ALDH2: variants seen among roughly 807,000 people sequenced by gnomAD.
The protein encoded by ALDH2 is aldehyde dehydrogenase 2 family member.
ALDH2 carries 44 observed loss-of-function variants against 59.6 expected under a neutral mutation model. That is an observed-to-expected ratio of 0.74 (90% CI 0.58 to 0.95). ALDH2 has a LOEUF of 0.95. ALDH2 is among the 40% of genes least tolerant of loss of function. The pLI is 0.00. For missense variants in ALDH2, 570 were observed against 696.3 expected (o/e 0.82, Z 2.04); for synonymous variants, 291 against 284.0 (o/e 1.02, Z -0.25).
chr12:111,780,092 C>T (rs553060638), intron 1 of ALDH2, among the ~76,000 whole-genome samples: 22 of 152,176 alleles, frequency 1.4e-4, no homozygotes, highest in African/African-American at 4.8e-4. Context: ...GGGGTTTCAC[C>T]GTGTTGGCCA....
rs139514708 is a variant in ALDH2, at chr12:111,772,330, T to C, written c.114+5234T>C. Among the ~76,000 whole-genome samples, 3 of 152,228 alleles carry C rather than the reference T, an allele frequency of 2.0e-5. No homozygotes were observed. The East Asian group carries it at 5.8e-4, about 29-fold the overall frequency. On this transcript the variant is annotated intron_variant, in intron 1 of 12. Coordinates refer to ENST00000261733, the MANE Select transcript of ALDH2 (RefSeq NM_000690.4). The stretch of plus-strand genomic sequence containing the variant: ...GTGCTGACTGAATCTCCCTATTGAT[T>C]GTACAGGTTGATGACTTCTTTAGGA...
intron 2 of ALDH2, among the ~76,000 whole-genome samples, chr12:111,782,320 C>T (rs1453634959): frequency 1.3e-5 from 2 of 152,232 alleles, no homozygotes; most frequent in Non-Finnish European, 2.9e-5. Context: ...TTTGGGTCTC[C>T]TAAGATCTAG....
intron 6 of ALDH2, 144 bp downstream of exon 6, chr12:111,790,706 T>G: frequency 9.2e-7 from 1 of 1,091,602 alleles, no homozygotes; most frequent in Non-Finnish European, 1.3e-6. Context: ...AGTGGCTCCC[T>G]CTTAGCTTTT....
At chr12:111,790,055 G>C in intron 5 of ALDH2, 121 bp downstream of exon 5, 2 of 881,026 alleles carry the variant, frequency 2.3e-6, no homozygotes, top group Non-Finnish European at 3.5e-6. Context: ...AAGAAGATGG[G>C]CTCTGACAAA....
intron 4 of ALDH2, among the ~76,000 whole-genome samples, chr12:111,787,894 C>T (rs2068323017): frequency 6.6e-6 from 1 of 151,988 alleles, no homozygotes; most frequent in South Asian, 2.1e-4. Context: ...AAAAAATTAG[C>T]TGGGCTTGGT....
chr12:111,783,485 A>G (rs924956946), intron 3 of ALDH2, among the ~76,000 whole-genome samples, 187 bp downstream of exon 3: 8 of 152,108 alleles, frequency 5.3e-5, no homozygotes, highest in Non-Finnish European at 1.0e-4. Context: ...GGAGCCTTTC[A>G]GTGTCTCCTT....
At chr12:111,804,072 G>T in intron 12 of ALDH2, 99 bp downstream of exon 12, 1 of 769,442 alleles carries the variant, frequency 1.3e-6, no homozygotes, top group Non-Finnish European at 2.0e-6. Flanking sequence ...TTGGGGGCTC[G>T]GGGCCTGCCA....
At chr12:111,801,140 C>T (rs1593085758) in intron 11 of ALDH2, among the ~76,000 whole-genome samples, 2 of 152,208 alleles carry the variant, frequency 1.3e-5, no homozygotes, top group Admixed American at 6.5e-5. Context: ...AGGTGAAAAG[C>T]ATGTCTCACG....
At chr12:111,784,906 T>A (rs538042841) in intron 3 of ALDH2, among the ~76,000 whole-genome samples, 1 of 152,354 alleles carries the variant, frequency 6.6e-6, no homozygotes, top group East Asian at 1.9e-4. Flanking sequence ...CTAGCACTCT[T>A]AACACATGTG....
intron 12 of ALDH2, among the ~76,000 whole-genome samples, chr12:111,806,506 T>C (rs944785199): frequency 1.3e-5 from 2 of 152,160 alleles, no homozygotes; most frequent in African/African-American, 4.8e-5. Flanking sequence ...GCCTGCCAGC[T>C]GTGGAGCAGG....
At chr12:111,783,379 C>A in intron 3 of ALDH2, 81 bp downstream of exon 3, 1 of 1,501,086 alleles carries the variant, frequency 6.7e-7, no homozygotes, top group Non-Finnish European at 9.0e-7. Context: ...AGGAACCAAG[C>A]ATCCTGTGAA....
At chr12:111,804,219 T>A (rs577757624) in intron 12 of ALDH2, among the ~76,000 whole-genome samples, 95 of 152,248 alleles carry the variant, frequency 6.2e-4, no homozygotes, top group African/African-American at 2.3e-3. Context: ...CCATCAGTGT[T>A]TCCTACTAAT....
chr12:111,801,180 C>T (rs565304289), intron 11 of ALDH2, among the ~76,000 whole-genome samples: 1 of 152,242 alleles, frequency 6.6e-6, no homozygotes, highest in Admixed American at 6.5e-5. Flanking sequence ...AGAACTTGTG[C>T]AGGGAAACTC....
chr12:111,788,336 G>A (rs1181675751), intron 4 of ALDH2, among the ~76,000 whole-genome samples: 3 of 152,234 alleles, frequency 2.0e-5, no homozygotes, highest in East Asian at 1.9e-4. Flanking sequence ...CCTCGACTGC[G>A]AGGGGAAGGG....
At position 111,785,353 on chromosome 12, in the gene ALDH2, G is replaced by A. The variant is rs781556042; in HGVS notation, c.440+7G>A. 1.2e-6 allele frequency: 2 copies of A among 1,611,376 alleles called. No homozygotes were observed. Among genetic ancestry groups the A allele is most frequent in the South Asian group, 2.2e-5 (2 of 91,020 alleles). On this transcript the variant is annotated splice_region_variant and intron_variant, in intron 4 of 12. Transcript: ENST00000261733. ...TGGTCCTCAAATGTCTCCGGTATGG[G>A]CTCAGCTTTCCTGTTCTTTGTTCTG...
chr12:111,804,062 T>C (rs2068474472), intron 12 of ALDH2, 89 bp downstream of exon 12: 11 of 935,416 alleles, frequency 1.2e-5, no homozygotes, highest in Non-Finnish European at 1.7e-5. Context: ...TTGGGGTCTG[T>C]TGGGGGCTCG....
chr12:111,788,196 G>A (rs2068327078), intron 4 of ALDH2, among the ~76,000 whole-genome samples: 1 of 152,146 alleles, frequency 6.6e-6, no homozygotes, highest in African/African-American at 2.4e-5. Flanking sequence ...GGAGACAAGA[G>A]CGAGACTTCG....
At chr12:111,802,294 C>T (rs528270809) in intron 11 of ALDH2, among the ~76,000 whole-genome samples, 1 of 152,048 alleles carries the variant, frequency 6.6e-6, no homozygotes, top group South Asian at 2.1e-4. Context: ...CACCTGTAAT[C>T]CCAGCTACTT....
chr12:111,799,935 G>A lies in ALDH2; in HGVS notation c.1278G>A (p.Lys426=), dbSNP rs2068436529. The change falls in exon 11 of 13, where the codon AAG becomes AAA. Residue 426 remains lysine, a synonymous_variant. Coordinates refer to ENST00000261733, the MANE Select transcript of ALDH2 (RefSeq NM_000690.4). ...EIFGPVMQIL[K]FKTIEEVVGR... is the part of the protein sequence containing the mutation. ...TCGGGCCAGTGATGCAGATCCTGAA[G>A]TTCAAGACCATAGAGGAGGTTGTTG... 1 of 1,614,082 alleles carries A rather than the reference G, an allele frequency of 6.2e-7. No individual in the cohort carries two copies. The highest frequency in any genetic ancestry group is 8.5e-7 in the Non-Finnish European group (1 of 1,180,010).
Sources: allele counts gnomAD v4.1 joint callset (sites outside exome capture counted in the v4.1 genomes callset), GRCh38; gene constraint gnomAD v4.1.1; transcripts MANE v1.5; gene names NCBI Gene and HGNC (gene_info 2026-07-23, HGNC 2026-07-21).